YBX1: variants seen among roughly 807,000 people sequenced by gnomAD.
The protein encoded by YBX1 is Y-box-binding protein 1.
YBX1 carries 3 observed loss-of-function variants against 41.4 expected under a neutral mutation model. The observed-to-expected ratio is 0.07, with a 90% CI of 0.03 to 0.19. The LOEUF is 0.19. YBX1 is among the 10% of genes least tolerant of loss of function. YBX1 has a pLI of 1.00. For missense variants in YBX1, 274 were observed against 462.8 expected, an observed-to-expected ratio of 0.59 and a Z score of 3.74; for synonymous variants, 133 against 165.8, an observed-to-expected ratio of 0.80 and a Z score of 1.52.
At chr1:42,684,160 G>A (rs1283735446) in intron 2 of YBX1, among the ~76,000 whole-genome samples, 2 of 152,190 alleles carry the variant, frequency 1.3e-5, no homozygotes, top group African/African-American at 2.4e-5. Context: ...TATTAGAGTG[G>A]CCATAGTCAC....
chr1:42,699,632 A>G (rs529568324), intron 6 of YBX1, among the ~76,000 whole-genome samples: 1 of 150,192 alleles, frequency 6.7e-6, no homozygotes, highest in Admixed American at 6.6e-5. Flanking sequence ...TTTTTTTTTT[A>G]AATTGTTTTG....
chr1:42,703,587 T>C lies in YBX1; in HGVS notation c.*1638T>C, dbSNP rs1306787231. Among the ~76,000 whole-genome samples the C allele has an allele frequency of 6.6e-6, 1 of 152,168 alleles. No individual in the cohort carries two copies. The highest frequency in any genetic ancestry group is 1.5e-5 in the Non-Finnish European group (1 of 68,032). ...TGTGTTGGCAAGAGTGCAGTGGACC[T>C]GAAACTTCAACTGTTGGTAGCATCT... On this transcript the variant is annotated 3_prime_UTR_variant, in exon 8 of 8. Coordinates refer to ENST00000321358, the MANE Select transcript of YBX1 (RefSeq NM_004559.5).
chr1:42,690,252 T>C (rs1351142648), intron 2 of YBX1, among the ~76,000 whole-genome samples: 1 of 151,572 alleles, frequency 6.6e-6, no homozygotes, highest in East Asian at 1.9e-4. Flanking sequence ...CTTTTCTTTT[T>C]TTTTTTTTAA....
chr1:42,697,479 A>G (rs1334818742), intron 6 of YBX1, among the ~76,000 whole-genome samples: 1 of 152,212 alleles, frequency 6.6e-6, no homozygotes, highest in East Asian at 1.9e-4. Flanking sequence ...TTGGAATTTC[A>G]AATTTTCTGT....
rs868213840 is a variant in YBX1, at chr1:42,703,098, G to A, written c.*1149G>A. On this transcript the variant is annotated 3_prime_UTR_variant, in exon 8 of 8. Transcript: ENST00000321358. ...GTGCCACCACACCCAGCTAATTTTT[G>A]TATTTTTAATAGAGATGGGGTTGCA... 2.0e-5 allele frequency among the ~76,000 whole-genome samples: 3 copies of A among 152,154 alleles called. No homozygotes were observed. Among genetic ancestry groups the A allele is most frequent in the South Asian group, 4.2e-4 (2 of 4,816 alleles).
chr1:42,683,572 G>A (rs1002629437), intron 2 of YBX1, 106 bp downstream of exon 2: 4 of 1,247,026 alleles, frequency 3.2e-6, no homozygotes, highest in Middle Eastern at 2.8e-4. Flanking sequence ...TGTTCTGAAA[G>A]GCGTTTACTA....
chr1:42,699,518 G>A (rs1284745894), intron 6 of YBX1, among the ~76,000 whole-genome samples: 1 of 151,958 alleles, frequency 6.6e-6, no homozygotes, highest in Non-Finnish European at 1.5e-5. Context: ...ATCCAGATCT[G>A]GTTTATCCAG....
intron 7 of YBX1, among the ~76,000 whole-genome samples, 153 bp downstream of exon 7, chr1:42,701,199 T>C (rs960930115): frequency 6.6e-6 from 1 of 152,202 alleles, no homozygotes; most frequent in African/African-American, 2.4e-5. Context: ...TTACCTAATA[T>C]TTCATTTTAG....
rs1433629770 is a variant in YBX1, at chr1:42,696,455, G to T, written c.354+167G>T. ...CTGCAGTTAGAGGGCAATCTCTTCA[G>T]AACAGTGAGGAACTGATATTTAGTC... On this transcript the variant is annotated intron_variant, in intron 4 of 7. Coordinates refer to ENST00000321358, the MANE Select transcript of YBX1 (RefSeq NM_004559.5). The surrounding 1 kb of genome is among the most constrained non-coding windows in gnomAD (Gnocchi z 5.7). Among the ~76,000 whole-genome samples the T allele has an allele frequency of 6.0e-5, 9 of 150,278 alleles. No homozygotes were observed.
chr1:42,696,886 G>A lies in YBX1; in HGVS notation c.599G>A (p.Arg200Lys). 1.3e-6 allele frequency: 2 copies of A among 1,583,710 alleles called. No homozygotes were observed. Among genetic ancestry groups the A allele is most frequent in the Non-Finnish European group, 1.7e-6 (2 of 1,163,108 alleles). ...RRRFPPYYMR[R>K]PYGRRPQYSN... ...AGGTTCCCACCTTACTACATGCGGA[G>A]ACCCTATGGGCGTCGACCACAGTAT... Residue 200 changes from arginine (R) to lysine (K), a missense_variant, in exon 5 of 8, where the codon AGA becomes AAA. Arg to Lys is a conservative substitution (Grantham distance 26). This residue lies in a region of YBX1 where 187 missense variants were observed against 306.3 expected (regional missense o/e 0.61). Transcript: ENST00000321358. This position sits in a 1 kb window ranked among gnomAD's most constrained non-coding sequence, Gnocchi z 5.7.
chr1:42,698,349 G>T (rs564522919), intron 6 of YBX1, among the ~76,000 whole-genome samples: 10 of 152,176 alleles, frequency 6.6e-5, no homozygotes, highest in South Asian at 2.1e-4. Flanking sequence ...AAAGAGCTGA[G>T]GTCCTAACTG....
chr1:42,691,401 G>T (rs997208981), intron 2 of YBX1, among the ~76,000 whole-genome samples: 4 of 152,156 alleles, frequency 2.6e-5, no homozygotes, highest in Non-Finnish European at 5.9e-5. Flanking sequence ...TGTTGCGCAG[G>T]ATGGAGTACA....
chr1:42,690,196 G>GT (rs1381797280), intron 2 of YBX1, among the ~76,000 whole-genome samples: 1 of 150,896 alleles, frequency 6.6e-6, no homozygotes. Flanking sequence ...AGGCAACAAA[G>GT]TGAGACTCCA....
intron 2 of YBX1, among the ~76,000 whole-genome samples, 174 bp from the exon 3 acceptor site, chr1:42,693,316 T>C (rs1488194075): frequency 6.6e-6 from 1 of 151,992 alleles, no homozygotes; most frequent in Non-Finnish European, 1.5e-5. Flanking sequence ...AGGCTACAAC[T>C]GTTTGCAACT....
At position 42,693,648 on chromosome 1, in the gene YBX1, CAGG is replaced by C. The variant is rs946737543; in HGVS notation, c.264+128_264+130del. On this transcript the variant is annotated intron_variant, in intron 3 of 7. Coordinates refer to ENST00000321358, the MANE Select transcript of YBX1 (RefSeq NM_004559.5). Reference sequence around the variant, plus strand: ...CAACCACCAGTTTATTTACTTACGACAGGAGTAGTAGCATGCTTAAAAATGTAT... The same window carrying C: ...CAACCACCAGTTTATTTACTTACGACAGTAGTAGCATGCTTAAAAATGTAT... 5 of 914,048 alleles carry C rather than the reference CAGG, an allele frequency of 5.5e-6. No homozygotes were observed. In the African/African-American group the frequency reaches 8.4e-5, roughly 15 times the overall value. 56.6% of individuals were successfully genotyped at this position (914,048 alleles called of 1,614,324 possible). A position where few individuals can be genotyped will look rare whatever the true frequency, so the allele number is the denominator to read the frequency against.
In YBX1 at chr1:42,682,432, G is replaced by A. The variant is rs1650051166; in HGVS notation, c.-134G>A. On this transcript the variant is annotated 5_prime_UTR_variant, in exon 1 of 8. Transcript: ENST00000321358. ...CCTGTCCCGCCATTCTCGCTAGTTC[G>A]ATCGGTAGCGGGAGCGGAGAGCGGA... is the stretch of plus-strand genomic sequence containing the variant. 6.2e-6 allele frequency: 7 copies of A among 1,123,104 alleles called. No individual in the cohort carries two copies. Among genetic ancestry groups the A allele is most frequent in the Non-Finnish European group, 8.1e-6 (7 of 868,068 alleles). The allele number at this position is 1,123,104 out of a possible 1,614,324, so 69.6% of individuals were successfully genotyped here.
intron 7 of YBX1, 64 bp from the exon 8 acceptor site, chr1:42,701,917 T>C: frequency 6.5e-6 from 1 of 152,700 alleles, no homozygotes; most frequent in East Asian, 1.9e-4. Context: ...AACTAGGGCA[T>C]GTACTACACT....
rs534397417 is a variant in YBX1 at position 42,693,397 on chromosome 1, A to G, written c.231-93A>G. The G allele has an allele frequency of 2.0e-3, 2,931 of 1,470,174 alleles. 10 individuals are homozygous for G. The highest frequency in any genetic ancestry group is 2.3e-3 in the Non-Finnish European group (2,409 of 1,060,420). 91.1% of individuals were successfully genotyped at this position (1,470,174 alleles called of 1,614,324 possible). A position where few individuals can be genotyped will look rare whatever the true frequency, so the allele number is the denominator to read the frequency against. ...TTTTTGCCAAATTTCCTGGTACCTA[A>G]TTGGCAGCCAGAGAGTCTCTGGGAA... On this transcript the variant is annotated intron_variant, in intron 2 of 7. Transcript: ENST00000321358.
chr1:42,685,290 T>G (rs191749256), intron 2 of YBX1, among the ~76,000 whole-genome samples: 6 of 152,334 alleles, frequency 3.9e-5, no homozygotes, highest in Admixed American at 2.0e-4. Context: ...TGGAATCAAC[T>G]CAATTGGTCA....
Sources: gnomAD v4.1 joint callset for allele counts (sites outside exome capture counted in the v4.1 genomes callset) on GRCh38, gnomAD v4.1.1 for gene constraint, gnomAD v4.1.1 regional missense constraint, Gnocchi (gnomAD v3.1) non-coding constraint, MANE v1.5 for transcripts, NCBI Gene and HGNC (gene_info 2026-07-23, HGNC 2026-07-21) for gene names.